The following ATP5F1A variants were observed in gnomAD, a reference collection of about 807,000 sequenced individuals.
ATP5F1A encodes ATP synthase F(1) complex subunit alpha, mitochondrial.
ATP5F1A carries 24 observed loss-of-function variants against 57.4 expected under a neutral mutation model. The ratio of observed to expected loss-of-function variants is 0.42; its 90% CI spans 0.30 to 0.59. The LOEUF is 0.59. ATP5F1A is among the 20% of genes least tolerant of loss of function. ATP5F1A has a pLI of 0.19. For missense variants in ATP5F1A, 494 were observed against 707.9 expected (o/e 0.70, Z 3.43); for synonymous variants, 251 against 255.5 (o/e 0.98, Z 0.17).
chr18:46,093,045 T>C (rs186036767), intron 2 of ATP5F1A: 1 of 151,476 alleles, frequency 6.6e-6, no homozygotes, highest in Non-Finnish European at 1.5e-5. Context: ...GCTACTTGGG[T>C]GGCTGAGGCA....
In ATP5F1A at chr18:46,089,914, A is replaced by G. The variant is rs374620506; in HGVS notation, c.392T>C (p.Val131Ala). 1.2e-6 allele frequency: 2 copies of G among 1,613,662 alleles called. No homozygotes were observed. The highest frequency in any genetic ancestry group is 2.7e-5 in the African/African-American group (2 of 74,878). Residue 131 changes from valine (V) to alanine (A), a missense_variant, in exon 4 of 12, where the codon GTG (valine) becomes GCG (alanine). Around this residue, in one of 6 missense-constraint regions of ATP5F1A, gnomAD observed 191 missense variants for 267.7 expected, o/e 0.71. Coordinates refer to ENST00000398752, the MANE Select transcript of ATP5F1A (RefSeq NM_004046.6). ...GTCCACAATGGCTCCTGTCCTCTTCACTATATCTCCTTCCTTAATTAGTTT... is the reference window on the plus strand; with the variant it reads ...GTCCACAATGGCTCCTGTCCTCTTCGCTATATCTCCTTCCTTAATTAGTTT... ...NDKLIKEGDI[V>A]KRTGAIVDVP...
intron 4 of ATP5F1A, 27 bp from the exon 5 acceptor site, chr18:46,089,759 T>C (rs1245256072): frequency 6.2e-7 from 1 of 1,612,898 alleles, no homozygotes. Context: ...AGAAAAACCC[T>C]AAGCATAATC....
In ATP5F1A at chr18:46,088,117, G is replaced by C. The variant is rs978146758; in HGVS notation, c.791C>G (p.Thr264Arg). 1.3e-6 allele frequency: 2 copies of C among 1,596,042 alleles called. No individual in the cohort carries two copies. The highest frequency in any genetic ancestry group is 1.4e-5 in the African/African-American group (1 of 73,776). Reference protein sequence around the residue: ...STVAQLVKRLTDADAMKYTIV... With the variant: ...STVAQLVKRLRDADAMKYTIV... ...TAAATTTCTTTTAATACCTGCATCT[G>C]TAAGTCTCTTCACCAACTGGGCAAC... is the stretch of plus-strand genomic sequence containing the variant. The change falls in exon 6 of 12, where the codon ACA becomes AGA. Residue 264 changes from threonine (T) to arginine (R), a missense_variant. Around this residue, in one of 6 missense-constraint regions of ATP5F1A, gnomAD observed 191 missense variants for 267.7 expected, o/e 0.71. Coordinates refer to ENST00000398752, the MANE Select transcript of ATP5F1A (RefSeq NM_004046.6).
At chr18:46,090,796 TTAA>T (rs1470372629) in intron 3 of ATP5F1A, among the ~76,000 whole-genome samples, 1 of 152,238 alleles carries the variant, frequency 6.6e-6, no homozygotes, top group African/African-American at 2.4e-5. Flanking sequence ...TTTTACATGA[TTAA>T]TAGTGATAGT....
At chr18:46,084,442 T>C in intron 11 of ATP5F1A, 62 bp downstream of exon 11, 1 of 1,574,562 alleles carries the variant, frequency 6.4e-7, no homozygotes. Flanking sequence ...GATTTGAAAA[T>C]AATTTTAACT....
intron 2 of ATP5F1A, 200 bp downstream of exon 2, chr18:46,094,853 T>C (rs923662813): frequency 6.4e-6 from 5 of 779,128 alleles, no homozygotes; most frequent in Non-Finnish European, 8.7e-6. Context: ...AAAAGAAAAA[T>C]ATGTAACAGT....
intron 1 of ATP5F1A, 147 bp from the exon 2 acceptor site, chr18:46,095,278 G>A (rs908034570): frequency 4.4e-5 from 31 of 696,772 alleles, no homozygotes; most frequent in East Asian, 3.3e-4. Flanking sequence ...TGTCAAATGG[G>A]AAAGTAGCTT....
Position 46,082,536 on chromosome 18 carries a change from T to A in ATP5F1A, c.*1746A>T, listed in dbSNP as rs1438706367. On this transcript the variant is annotated 3_prime_UTR_variant, in exon 12 of 12. Coordinates refer to ENST00000398752, the MANE Select transcript of ATP5F1A (RefSeq NM_004046.6). ...CCGCCTCTACTAAAAATACAAAAAT[T>A]AGCAGGGCATGGTGGTGGGTGCCTG... The A allele has an allele frequency of 1.3e-5, 2 of 150,520 alleles. No homozygotes were observed. Among genetic ancestry groups the A allele is most frequent in the Non-Finnish European group, 2.9e-5 (2 of 67,820 alleles). The allele number at this position is 150,520 out of a possible 1,614,324, so 9.3% of individuals were successfully genotyped here.
At position 46,081,211 on chromosome 18, in the gene ATP5F1A, T is replaced by C. The variant is rs1011813934; in HGVS notation, c.*3071A>G. 2 of 149,668 alleles carry C rather than the reference T, an allele frequency of 1.3e-5. No homozygotes were observed. Among genetic ancestry groups the C allele is most frequent in the Non-Finnish European group, 3.0e-5 (2 of 67,672 alleles). 9.3% of individuals were successfully genotyped at this position (149,668 alleles called of 1,614,324 possible). A position where few individuals can be genotyped will look rare whatever the true frequency, so the allele number is the denominator to read the frequency against. On this transcript the variant is annotated 3_prime_UTR_variant, in exon 12 of 12. Coordinates refer to ENST00000398752, the MANE Select transcript of ATP5F1A (RefSeq NM_004046.6). ...GAATTTGATTTATAATGGACAAACA[T>C]GGTTGTCTTCATTTGAGAAGTTTAT...
intron 1 of ATP5F1A, among the ~76,000 whole-genome samples, chr18:46,097,595 C>T (rs192655464): frequency 1.8e-3 from 267 of 152,288 alleles, no homozygotes; most frequent in African/African-American, 6.2e-3. Context: ...TTCTTTGCAC[C>T]TGCAGGACGT....
At chr18:46,103,619 A>AC (rs1388310652) in intron 1 of ATP5F1A, among the ~76,000 whole-genome samples, 1 of 147,460 alleles carries the variant, frequency 6.8e-6, no homozygotes, top group African/African-American at 2.5e-5. Context: ...TCAAAAAAAA[A>AC]AAAAAAAAAA....
rs1168603870 is a variant in ATP5F1A, at chr18:46,088,184, GCTT to G, written c.721_723del (p.Lys241del). ...CCAATAGCAACATAAATACAGTACA[GCTT>G]CTTCTTTTCATCAGATCCATCATTG... On this transcript the variant is annotated inframe_deletion, in exon 6 of 12. Coordinates refer to ENST00000398752, the MANE Select transcript of ATP5F1A (RefSeq NM_004046.6). The G allele has an allele frequency of 3.1e-6, 5 of 1,606,222 alleles. No individual in the cohort carries two copies. Among genetic ancestry groups the G allele is most frequent in the Middle Eastern group, 1.7e-4 (1 of 6,024 alleles).
chr18:46,087,722 A>C (rs1910228086), intron 6 of ATP5F1A: 2 of 509,020 alleles, frequency 3.9e-6, no homozygotes, highest in Non-Finnish European at 6.9e-6. Flanking sequence ...TCTACTAAAA[A>C]TACAAAAATT....
At position 46,083,676 on chromosome 18, in the gene ATP5F1A, A is replaced by C. The variant is rs949277676; in HGVS notation, c.*606T>G. The C allele has an allele frequency of 1.3e-5, 2 of 152,072 alleles. No homozygotes were observed. Among genetic ancestry groups the C allele is most frequent in the African/African-American group, 4.8e-5 (2 of 41,374 alleles). 9.4% of individuals were successfully genotyped at this position (152,072 alleles called of 1,614,324 possible). ...TAGGAATTTCTCTTAAACACAAAGT[A>C]CTCTAGAAACTTACAAAGAGCAGCC... On this transcript the variant is annotated 3_prime_UTR_variant, in exon 12 of 12. Coordinates refer to ENST00000398752, the MANE Select transcript of ATP5F1A (RefSeq NM_004046.6).
chr18:46,094,033 T>G (rs1910756473), intron 2 of ATP5F1A, among the ~76,000 whole-genome samples: 1 of 148,518 alleles, frequency 6.7e-6, no homozygotes, highest in East Asian at 2.0e-4. Context: ...CTTGAACCCG[T>G]GAGGCAGAGG....
At chr18:46,103,782 C>T (rs941283614) in intron 1 of ATP5F1A, among the ~76,000 whole-genome samples, 12 of 151,722 alleles carry the variant, frequency 7.9e-5, no homozygotes, top group East Asian at 3.9e-4. Flanking sequence ...GGCGTGGTGG[C>T]GCTTGCCCGT....
In ATP5F1A at chr18:46,084,016, A is replaced by G; in HGVS notation, c.*266T>C. ...AAAAACAAAAAAAAAACTTACAAAG[A>G]GCTCAGCCTTGAATTATCTAGCCCA... is the stretch of plus-strand genomic sequence containing the variant. On this transcript the variant is annotated 3_prime_UTR_variant, in exon 12 of 12. Transcript: ENST00000398752. 3.4e-6 allele frequency: 1 copy of G among 296,574 alleles called. No individual in the cohort carries two copies. Among genetic ancestry groups the G allele is most frequent in the Non-Finnish European group, 6.1e-6 (1 of 163,164 alleles). 18.4% of individuals were successfully genotyped at this position (296,574 alleles called of 1,614,324 possible).
intron 2 of ATP5F1A, chr18:46,092,338 G>T (rs543996759): frequency 7.9e-5 from 12 of 151,380 alleles, no homozygotes; most frequent in African/African-American, 2.9e-4. Context: ...AGTGGCTCAC[G>T]CTAGCCACAG....
intron 3 of ATP5F1A, among the ~76,000 whole-genome samples, chr18:46,090,759 A>G (rs1157117617): frequency 1.3e-5 from 2 of 152,202 alleles, no homozygotes; most frequent in Non-Finnish European, 2.9e-5. Flanking sequence ...AAAGATTAAA[A>G]ATTCAGTTCC....
Sources: gnomAD v4.1 joint callset for allele counts (sites outside exome capture counted in the v4.1 genomes callset) on GRCh38, gnomAD v4.1.1 for gene constraint, gnomAD v4.1.1 regional missense constraint, MANE v1.5 for transcripts, NCBI Gene and HGNC (gene_info 2026-07-23, HGNC 2026-07-21) for gene names.